Variants in TRAF3IP2 observed in about 807,000 individuals in gnomAD.
TRAF3IP2 encodes the protein TRAF3 interacting protein 2, also known as E3 ubiquitin ligase TRAF3IP2.
TRAF3IP2 carries 35 observed loss-of-function variants against 57.9 expected under a neutral mutation model. The observed-to-expected ratio is 0.60, with a 90% CI of 0.46 to 0.80. The LOEUF (loss-of-function observed/expected upper bound fraction) is 0.80. Among genes scored for constraint, TRAF3IP2 ranks in the 30% least tolerant of loss-of-function variants. TRAF3IP2 has a pLI of 0.00. For synonymous variants in TRAF3IP2, 251 were observed against 268.9 expected (o/e 0.93, Z 0.65); for missense variants, 556 against 706.4 (o/e 0.79, Z 2.41).
chr6:111,577,306 T>G (rs1314780295), intron 3 of TRAF3IP2: 2 of 152,222 alleles, frequency 1.3e-5, no homozygotes, highest in Admixed American at 6.5e-5. Context: ...ATTCAAAAGC[T>G]TCTGTATAAA....
chr6:111,577,780 C>T (rs1375204749), intron 3 of TRAF3IP2, among the ~76,000 whole-genome samples: 1 of 152,140 alleles, frequency 6.6e-6, no homozygotes, highest in Non-Finnish European at 1.5e-5. Context: ...GGCACAATCA[C>T]GGCTCACTGC....
chr6:111,559,797 C>G (rs1795368902), intron 8 of TRAF3IP2, among the ~76,000 whole-genome samples: 1 of 152,248 alleles, frequency 6.6e-6, no homozygotes, highest in South Asian at 2.1e-4. Context: ...GTCTCCCAGA[C>G]TACCTACCCT....
chr6:111,560,416 G>C (rs376313342), intron 8 of TRAF3IP2, among the ~76,000 whole-genome samples: 18 of 152,302 alleles, frequency 1.2e-4, no homozygotes, highest in African/African-American at 4.3e-4. Context: ...GGCTGTATCG[G>C]ATAGTGCCCT....
At position 111,591,381 on chromosome 6, in the gene TRAF3IP2, ACT is replaced by A; in HGVS notation, c.704_705del (p.Glu235ValfsTer5). The A allele has an allele frequency of 6.5e-7, 1 of 1,545,040 alleles. No homozygotes were observed. The highest frequency in any genetic ancestry group is 1.8e-4 in the Middle Eastern group (1 of 5,704). On this transcript the variant is annotated frameshift_variant, in exon 2 of 9. Coordinates refer to ENST00000368761, the MANE Select transcript of TRAF3IP2 (RefSeq NM_147686.4). LOFTEE classifies it high-confidence loss of function. The surrounding 1 kb of genome is among the most constrained non-coding windows in gnomAD (Gnocchi z 4.9). ...TACCTCTGAGGTTCAAACTGAGGGA[ACT>A]CCCTGGACCTGAGAGGTCTGGGGAG... ...QDLPRPLRSR[E>X]FPQFEPQRYP...
At chr6:111,604,712 G>C (rs998400691) in intron 1 of TRAF3IP2, among the ~76,000 whole-genome samples, 1 of 152,200 alleles carries the variant, frequency 6.6e-6, no homozygotes, top group African/African-American at 2.4e-5. Context: ...AGGGGGGTGA[G>C]CACCTACTAG....
intron 7 of TRAF3IP2, among the ~76,000 whole-genome samples, chr6:111,566,077 T>G (rs1323926562): frequency 6.6e-6 from 1 of 152,124 alleles, no homozygotes; most frequent in Non-Finnish European, 1.5e-5. Flanking sequence ...GCACAGAACA[T>G]GATACAGCTG....
rs141283234 is a variant in TRAF3IP2, at chr6:111,591,549, G to A, written c.538C>T (p.Arg180Trp). 42 of 1,614,108 alleles carry A rather than the reference G, an allele frequency of 2.6e-5. No individual in the cohort carries two copies. Among genetic ancestry groups the A allele is most frequent in the African/African-American group, 9.3e-5 (7 of 74,942 alleles). Residue 180 changes from arginine (R) to tryptophan (W), a missense_variant, in exon 2 of 9, where the codon CGG (arginine) becomes TGG (tryptophan). Arg to Trp is a moderately radical substitution (Grantham distance 101). Coordinates refer to ENST00000368761, the MANE Select transcript of TRAF3IP2 (RefSeq NM_147686.4). The surrounding 1 kb of genome is among the most constrained non-coding windows in gnomAD (Gnocchi z 4.9). ...SLGGSQEMVQ[R>W]PQPHRNRAGL... ...GCTCGGTTCCTGTGAGGCTGGGGCC[G>A]TTGCACCATCTCCTGGCTACCGCCC...
In TRAF3IP2 at chr6:111,555,704, C is replaced by T. The variant is rs544801832; in HGVS notation, c.*3701G>A. Among the ~76,000 whole-genome samples, 1 of 152,178 alleles carries T rather than the reference C, an allele frequency of 6.6e-6. No individual in the cohort carries two copies. Among genetic ancestry groups the T allele is most frequent in the Non-Finnish European group, 1.5e-5 (1 of 68,034 alleles). ...TATTTTTACTAAGTCAGCCCTACCC[C>T]ACTTCCACCCCAAAAATATCTAAAG... On this transcript the variant is annotated 3_prime_UTR_variant, in exon 9 of 9. Coordinates refer to ENST00000368761, the MANE Select transcript of TRAF3IP2 (RefSeq NM_147686.4).
At chr6:111,559,818 A>G (rs1488767933) in intron 8 of TRAF3IP2, among the ~76,000 whole-genome samples, 2 of 152,184 alleles carry the variant, frequency 1.3e-5, no homozygotes, top group East Asian at 3.9e-4. Context: ...TTGCATTTCA[A>G]CTTGCTTTTC....
chr6:111,570,873 A>G (rs908835161), intron 5 of TRAF3IP2, among the ~76,000 whole-genome samples: 1 of 145,776 alleles, frequency 6.9e-6, no homozygotes, highest in Non-Finnish European at 1.5e-5. Flanking sequence ...GTGTAATTTG[A>G]TTTTATGTCA....
chr6:111,580,076 A>G (rs1256763927), intron 3 of TRAF3IP2, 121 bp downstream of exon 3: 10 of 1,152,278 alleles, frequency 8.7e-6, no homozygotes, highest in South Asian at 1.5e-5. Context: ...GCATTCCACT[A>G]TGTGACTTGC....
intron 2 of TRAF3IP2, among the ~76,000 whole-genome samples, chr6:111,584,053 A>G (rs1481275679): frequency 6.6e-6 from 1 of 152,196 alleles, no homozygotes; most frequent in African/African-American, 2.4e-5. Flanking sequence ...AATGGCTAAT[A>G]TTGTTTTATT....
chr6:111,563,723 G>A (rs999977517), intron 7 of TRAF3IP2, among the ~76,000 whole-genome samples: 2 of 152,334 alleles, frequency 1.3e-5, no homozygotes, highest in South Asian at 4.1e-4. Flanking sequence ...GTGAAAGTGT[G>A]TTGATGTGGT....
At chr6:111,565,050 G>A (rs1186555096) in intron 7 of TRAF3IP2, among the ~76,000 whole-genome samples, 1 of 152,210 alleles carries the variant, frequency 6.6e-6, no homozygotes, top group Non-Finnish European at 1.5e-5. Flanking sequence ...GAGACTGGTT[G>A]AGACCAGAAG....
At position 111,559,621 on chromosome 6, in the gene TRAF3IP2, T is replaced by C. The variant is rs1006117274; in HGVS notation, c.1552-70A>G. 2.1e-5 allele frequency: 33 copies of C among 1,548,812 alleles called. No homozygotes were observed. The African/African-American group carries it at 4.2e-4, about 20-fold the overall frequency. On this transcript the variant is annotated intron_variant, in intron 8 of 8. Transcript: ENST00000368761. ...CCTGGATGCCAGATCCCAGGCTCAG[T>C]TCCCAAACATTTCTGGCTTTCCCTA...
chr6:111,596,446 T>C (rs1796693649), intron 1 of TRAF3IP2, among the ~76,000 whole-genome samples: 1 of 151,460 alleles, frequency 6.6e-6, no homozygotes, highest in South Asian at 2.1e-4. Flanking sequence ...GCGCACGCCA[T>C]CATGCCTAAT....
intron 2 of TRAF3IP2, among the ~76,000 whole-genome samples, chr6:111,581,182 C>T (rs1375205025): frequency 2.0e-5 from 3 of 152,160 alleles, no homozygotes; most frequent in Non-Finnish European, 4.4e-5. Context: ...TGCTTAATCA[C>T]GCAAAAGAAT....
intron 5 of TRAF3IP2, among the ~76,000 whole-genome samples, chr6:111,569,978 C>T (rs988969378): frequency 6.6e-6 from 1 of 152,106 alleles, no homozygotes; most frequent in Non-Finnish European, 1.5e-5. Flanking sequence ...TATGTTGAAG[C>T]CCTATCTCCC....
At chr6:111,570,399 T>C (rs981219043) in intron 5 of TRAF3IP2, among the ~76,000 whole-genome samples, 1 of 152,242 alleles carries the variant, frequency 6.6e-6, no homozygotes, top group African/African-American at 2.4e-5. Context: ...AATACTGCAC[T>C]ATCCCCAATA....
Sources: gnomAD v4.1 joint callset for allele counts (sites outside exome capture counted in the v4.1 genomes callset) on GRCh38, gnomAD v4.1.1 for gene constraint, Gnocchi (gnomAD v3.1) non-coding constraint, MANE v1.5 for transcripts, NCBI Gene and HGNC (gene_info 2026-07-23, HGNC 2026-07-21) for gene names.